Variants in DNAH5 observed in about 807,000 individuals in gnomAD.
DNAH5 encodes axonemal beta dynein heavy chain 5.
Under a neutral mutation model 518.2 loss-of-function variants are expected in DNAH5, and 372 were observed. The ratio of observed to expected loss-of-function variants is 0.72; its 90% CI spans 0.66 to 0.78. The LOEUF is 0.78. DNAH5 is among the 30% of genes least tolerant of loss of function. DNAH5 has a pLI of 0.00. For missense variants in DNAH5, 5,523 were observed against 5,687.0 expected, an observed-to-expected ratio of 0.97 and a Z score of 0.93; for synonymous variants, 2,039 against 2,025.9, an observed-to-expected ratio of 1.01 and a Z score of -0.17.
At chr5:13,850,503 G>A in intron 31 of DNAH5, 149 bp downstream of exon 31, 1 of 685,976 alleles carries the variant, frequency 1.5e-6, no homozygotes, top group Non-Finnish European at 2.6e-6. Context: ...AGAATATAAG[G>A]CTTCAAAATA....
Position 13,830,595 on chromosome 5 carries a change from A to G in DNAH5, c.6061+2T>C. ...CACCAGATTAAAAAATATAACCCAT[A>G]CCCTTAAAAATCCGTCCAAGTCCTC... is the stretch of plus-strand genomic sequence containing the variant. On this transcript the variant is annotated splice_donor_variant, in intron 36 of 78. Transcript: ENST00000265104. LOFTEE classifies it high-confidence loss of function. 6.2e-7 allele frequency: 1 copy of G among 1,614,102 alleles called. No homozygotes were observed. The highest frequency in any genetic ancestry group is 8.5e-7 in the Non-Finnish European group (1 of 1,179,974).
intron 70 of DNAH5, among the ~76,000 whole-genome samples, chr5:13,721,564 G>A (rs953767029): frequency 1.3e-5 from 2 of 152,082 alleles, no homozygotes; most frequent in African/African-American, 4.8e-5. Context: ...GGAAACTATT[G>A]TTTAGGATGC....
chr5:13,815,440 T>C (rs1761326124), intron 42 of DNAH5, among the ~76,000 whole-genome samples: 1 of 152,154 alleles, frequency 6.6e-6, no homozygotes, highest in African/African-American at 2.4e-5. Context: ...TTAGTGCCCC[T>C]ATAAAGAGAC....
intron 32 of DNAH5, among the ~76,000 whole-genome samples, chr5:13,843,339 T>C (rs983245257): frequency 1.3e-5 from 2 of 152,160 alleles, no homozygotes; most frequent in African/African-American, 4.8e-5. Context: ...CCCATGGCTT[T>C]TTATCATGTT....
Position 13,707,937 on chromosome 5 carries a change from C to T in DNAH5, c.13338+186G>A, listed in dbSNP as rs1349298130. 6.6e-6 allele frequency among the ~76,000 whole-genome samples: 1 copy of T among 152,078 alleles called. No homozygotes were observed. The highest frequency in any genetic ancestry group is 6.6e-5 in the Admixed American group (1 of 15,260). ...AAATGCCCTAGCAGAGAACCTGATTCGTGGGATTTGCTAAAAAAAAACTTC... is the reference window on the plus strand; with the variant it reads ...AAATGCCCTAGCAGAGAACCTGATTTGTGGGATTTGCTAAAAAAAAACTTC... On this transcript the variant is annotated intron_variant, in intron 76 of 78. Transcript: ENST00000265104. This position sits in a 1 kb window ranked among gnomAD's most constrained non-coding sequence, Gnocchi z 4.0.
At chr5:13,830,860 A>G in intron 35 of DNAH5, 85 bp from the exon 36 acceptor site, 1 of 1,376,838 alleles carries the variant, frequency 7.3e-7, no homozygotes, top group Non-Finnish European at 1.0e-6. Flanking sequence ...AAACGCACAC[A>G]AGATTAAAAA....
At chr5:13,867,736 A>G in intron 25 of DNAH5, 38 bp downstream of exon 25, 2 of 1,495,232 alleles carry the variant, frequency 1.3e-6, no homozygotes, top group South Asian at 2.3e-5. Flanking sequence ...GTATTCACTC[A>G]TCCCCGAAAA....
intron 22 of DNAH5, 94 bp downstream of exon 22, chr5:13,876,590 C>A (rs962029368): frequency 2.7e-6 from 4 of 1,471,096 alleles, no homozygotes; most frequent in African/African-American, 1.4e-5. Flanking sequence ...TGTGTGAGAC[C>A]CAGGCTACAT....
At chr5:13,989,687 A>G (rs1783371877) in intron 1 of DNAH5, among the ~76,000 whole-genome samples, 1 of 152,008 alleles carries the variant, frequency 6.6e-6, no homozygotes, top group Non-Finnish European at 1.5e-5. Flanking sequence ...GTTTCACCGT[A>G]TTAGCCAGGA....
In DNAH5 at chr5:13,701,237, T is replaced by C. The variant is rs1488601990; in HGVS notation, c.13491+47A>G. On this transcript the variant is annotated intron_variant, in intron 77 of 78. Coordinates refer to ENST00000265104, the MANE Select transcript of DNAH5 (RefSeq NM_001369.3). Reference sequence around the variant, plus strand: ...AAAACTATAATGATGGAAAATCCTGTGGAGGAAAATTATAATAACGCAACG... The same window carrying C: ...AAAACTATAATGATGGAAAATCCTGCGGAGGAAAATTATAATAACGCAACG... 2.5e-6 allele frequency: 4 copies of C among 1,612,514 alleles called. No homozygotes were observed. The African/African-American group carries it at 4.0e-5, about 16-fold the overall frequency.
At chr5:13,976,762 G>C (rs1209379627) in intron 1 of DNAH5, among the ~76,000 whole-genome samples, 4 of 151,332 alleles carry the variant, frequency 2.6e-5, no homozygotes, top group Admixed American at 1.3e-4. Context: ...GGTCCAGGCT[G>C]TGGTTTCAGG....
chr5:13,890,714 G>T (rs549329525), intron 17 of DNAH5, among the ~76,000 whole-genome samples: 4 of 152,156 alleles, frequency 2.6e-5, no homozygotes, highest in Non-Finnish European at 5.9e-5. Context: ...ATTAAAAAAT[G>T]GAAAAATTCC....
intron 37 of DNAH5, 44 bp downstream of exon 37, chr5:13,829,982 G>T: frequency 6.4e-7 from 1 of 1,563,116 alleles, no homozygotes. Context: ...TGAAAATTGT[G>T]ATAAGAAGGC....
rs200694593 is a variant in DNAH5, at chr5:13,871,773, C to T, written c.3397-8G>A. 7 of 1,610,316 alleles carry T rather than the reference C, an allele frequency of 4.3e-6. No homozygotes were observed. The East Asian group carries it at 1.6e-4, about 36-fold the overall frequency. ...CATGGATGTAATAACTTCCTGAATG[C>T]AAATAACAGATTTATGTTAAGAAGG... is the stretch of plus-strand genomic sequence containing the variant. On this transcript the variant is annotated splice_polypyrimidine_tract_variant and splice_region_variant and intron_variant, in intron 22 of 78. Transcript: ENST00000265104.
chr5:13,872,710 A>G (rs1364033720), intron 22 of DNAH5, among the ~76,000 whole-genome samples: 1 of 152,154 alleles, frequency 6.6e-6, no homozygotes, highest in Non-Finnish European at 1.5e-5. Context: ...ATGTTTTCAA[A>G]TGCTATTTTT....
chr5:14,009,302 C>T (rs1276771649), intron 1 of DNAH5, among the ~76,000 whole-genome samples: 1 of 152,198 alleles, frequency 6.6e-6, no homozygotes, highest in Non-Finnish European at 1.5e-5. Context: ...GAACCAATTC[C>T]TCCAAATAGC....
intron 22 of DNAH5, 111 bp from the exon 23 acceptor site, chr5:13,871,876 A>C: frequency 2.1e-6 from 2 of 972,140 alleles, no homozygotes; most frequent in Non-Finnish European, 3.2e-6. Flanking sequence ...TAAAATGTTT[A>C]GTGAACTGTG....
At chr5:13,744,022 G>T (rs1748989400) in intron 65 of DNAH5, among the ~76,000 whole-genome samples, 1 of 151,996 alleles carries the variant, frequency 6.6e-6, no homozygotes, top group Admixed American at 6.6e-5. Context: ...TCGAAGGCAT[G>T]TCTGCATCCC....
rs1457532138 is a variant in DNAH5 at position 13,695,013 on chromosome 5, AT to A, written c.13724-2879del. Among the ~76,000 whole-genome samples, 4 of 152,352 alleles carry A rather than the reference AT, an allele frequency of 2.6e-5. No homozygotes were observed. In the East Asian group the frequency reaches 7.7e-4, roughly 29 times the overall value. ...GTGAGTTGTCCAAGATTAGAGAGCT[AT>A]AGTGATAACTGAGAATGAAACCTAG... On this transcript the variant is annotated intron_variant, in intron 78 of 78. Transcript: ENST00000265104.
Sources: gnomAD v4.1 joint callset for allele counts (sites outside exome capture counted in the v4.1 genomes callset) on GRCh38, gnomAD v4.1.1 for gene constraint, Gnocchi (gnomAD v3.1) non-coding constraint, MANE v1.5 for transcripts, NCBI Gene and HGNC (gene_info 2026-07-23, HGNC 2026-07-21) for gene names.